The following PPP2R2B variants were observed in gnomAD, a reference collection of about 807,000 sequenced individuals.
PPP2R2B encodes the protein protein phosphatase 2 regulatory subunit Bbeta, also known as serine/threonine-protein phosphatase 2A 55 kDa regulatory subunit B beta isoform.
PPP2R2B carries 5 observed loss-of-function variants against 46.0 expected under a neutral mutation model. The ratio of observed to expected loss-of-function variants is 0.11; its 90% CI spans 0.06 to 0.23. The LOEUF (loss-of-function observed/expected upper bound fraction) is 0.23, where lower values mean the gene tolerates loss of function less well. Among genes scored for constraint, PPP2R2B ranks in the 10% least tolerant of loss-of-function variants. PPP2R2B has a pLI of 1.00. For synonymous variants in PPP2R2B, 215 were observed against 206.7 expected (o/e 1.04, Z -0.34); for missense variants, 367 against 575.0 (o/e 0.64, Z 3.70).
chr5:146,678,166 C>T (rs1413295394), intron 5 of PPP2R2B, among the ~76,000 whole-genome samples: 1 of 152,038 alleles, frequency 6.6e-6, no homozygotes, highest in Non-Finnish European at 1.5e-5. Flanking sequence ...AAAACGAATC[C>T]AGCAGCACCT....
At chr5:147,047,415 T>C (rs1000060075) in intron 1 of PPP2R2B, among the ~76,000 whole-genome samples, 5 of 152,128 alleles carry the variant, frequency 3.3e-5, no homozygotes, top group African/African-American at 1.2e-4. Context: ...CCCATGAATA[T>C]GTATAATTAT....
rs1753716646 is a variant in PPP2R2B, at chr5:146,991,990, A to G, written c.79+63675T>C. ...CCATGGAATCCATATCAAAATTCCA[A>G]TGTTAAAATTTTTCATAGAAATAGA... On this transcript the variant is annotated intron_variant, in intron 1 of 8. Coordinates refer to the PPP2R2B transcript ENST00000336640. Among the ~76,000 whole-genome samples, 3 of 152,196 alleles carry G rather than the reference A, an allele frequency of 2.0e-5. No individual in the cohort carries two copies. In the South Asian group the frequency reaches 6.2e-4, roughly 31 times the overall value.
chr5:146,748,740 A>T (rs1441321638), intron 2 of PPP2R2B, among the ~76,000 whole-genome samples: 3 of 152,148 alleles, frequency 2.0e-5, no homozygotes, highest in Non-Finnish European at 4.4e-5. Context: ...ATAGTATTCC[A>T]TGGTATGGAC....
intron 1 of PPP2R2B, among the ~76,000 whole-genome samples, chr5:146,927,664 A>T (rs1348441789): frequency 6.6e-6 from 1 of 151,990 alleles, no homozygotes; most frequent in Non-Finnish European, 1.5e-5. Context: ...ATGGTCTCAG[A>T]ATCTTCCTCA....
At chr5:146,689,644 T>G (rs1231100159) in intron 5 of PPP2R2B, among the ~76,000 whole-genome samples, 3 of 152,098 alleles carry the variant, frequency 2.0e-5, no homozygotes, top group Non-Finnish European at 2.9e-5. Context: ...ATGCCCAAGG[T>G]CACTAGCGGA....
At chr5:147,023,197 A>G (rs1320147152) in intron 1 of PPP2R2B, among the ~76,000 whole-genome samples, 1 of 152,192 alleles carries the variant, frequency 6.6e-6, no homozygotes, top group Non-Finnish European at 1.5e-5. Flanking sequence ...CTTACATTAT[A>G]CGTAAGTGGA....
intron 1 of PPP2R2B, among the ~76,000 whole-genome samples, chr5:146,987,527 G>T (rs1012135213): frequency 1.3e-5 from 2 of 151,924 alleles, no homozygotes; most frequent in Admixed American, 1.3e-4. Flanking sequence ...TTCTTTTATT[G>T]TCTTTGCAAT....
intron 5 of PPP2R2B, among the ~76,000 whole-genome samples, chr5:146,666,258 T>C (rs1245362668): frequency 6.6e-6 from 1 of 152,188 alleles, no homozygotes; most frequent in South Asian, 2.1e-4. Context: ...TGTTCATTCA[T>C]TAATGTTAAT....
At chr5:146,864,486 T>C (rs1249845811) in intron 2 of PPP2R2B, among the ~76,000 whole-genome samples, 6 of 150,394 alleles carry the variant, frequency 4.0e-5, no homozygotes, top group Non-Finnish European at 8.9e-5. Context: ...ACAACCATAC[T>C]GGTTGTCATA....
chr5:146,924,746 T>C (rs1318257929), intron 1 of PPP2R2B, among the ~76,000 whole-genome samples: 1 of 152,172 alleles, frequency 6.6e-6, no homozygotes, highest in Non-Finnish European at 1.5e-5. Context: ...ATGTAGGCCA[T>C]CCTGCTTGTT....
chr5:146,951,222 T>C (rs1561537295), intron 1 of PPP2R2B, among the ~76,000 whole-genome samples: 1 of 152,012 alleles, frequency 6.6e-6, no homozygotes, highest in Non-Finnish European at 1.5e-5. Context: ...TAATATACAA[T>C]AGAATGTATG....
chr5:146,718,102 C>T (rs1245565425), intron 2 of PPP2R2B, among the ~76,000 whole-genome samples: 2 of 152,094 alleles, frequency 1.3e-5, no homozygotes, highest in Non-Finnish European at 2.9e-5. Flanking sequence ...TCATAATTCA[C>T]AGGAAGCACA....
chr5:146,928,980 G>T (rs925974187), intron 1 of PPP2R2B, among the ~76,000 whole-genome samples: 4 of 152,110 alleles, frequency 2.6e-5, no homozygotes, highest in African/African-American at 9.7e-5. Flanking sequence ...CTTTGCATTG[G>T]CTATTTTCTT....
intron 2 of PPP2R2B, among the ~76,000 whole-genome samples, chr5:146,799,562 A>T (rs1428018559): frequency 6.6e-6 from 1 of 152,214 alleles, no homozygotes; most frequent in Non-Finnish European, 1.5e-5. Flanking sequence ...ATGTCCACTC[A>T]TGAGTTTTGG....
At chr5:146,884,068 A>G (rs943496374) in intron 1 of PPP2R2B, among the ~76,000 whole-genome samples, 21 of 151,950 alleles carry the variant, frequency 1.4e-4, no homozygotes, top group Non-Finnish European at 2.9e-4. Context: ...AAATTAAAAA[A>G]AAACACTATG....
At chr5:146,691,074 A>C (rs1176416988) in intron 5 of PPP2R2B, 54 bp downstream of exon 5, 1 of 1,525,462 alleles carries the variant, frequency 6.6e-7, no homozygotes, top group African/African-American at 1.4e-5. Flanking sequence ...CACATGGCCA[A>C]CCTTAGGAGA....
At chr5:146,799,278 A>G (rs1423489839) in intron 2 of PPP2R2B, among the ~76,000 whole-genome samples, 3 of 152,324 alleles carry the variant, frequency 2.0e-5, no homozygotes, top group African/African-American at 7.2e-5. Flanking sequence ...ACAAATTTTA[A>G]CAGAAAGACA....
At chr5:147,020,340 C>T (rs1483074220) in intron 1 of PPP2R2B, among the ~76,000 whole-genome samples, 1 of 151,946 alleles carries the variant, frequency 6.6e-6, no homozygotes. Flanking sequence ...TAATTTTCAT[C>T]CTATCAGACC....
chr5:146,995,225 C>G (rs185784815), intron 1 of PPP2R2B, among the ~76,000 whole-genome samples: 25 of 152,290 alleles, frequency 1.6e-4, no homozygotes, highest in South Asian at 2.1e-4. Flanking sequence ...TATATGTTTC[C>G]ATAGTAATCA....
Sources: allele counts gnomAD v4.1 joint callset (sites outside exome capture counted in the v4.1 genomes callset), GRCh38; gene constraint gnomAD v4.1.1; transcripts MANE v1.5; gene names NCBI Gene and HGNC (gene_info 2026-07-23, HGNC 2026-07-21).